ARL3: variants seen among roughly 807,000 people sequenced by gnomAD.
The protein encoded by ARL3 is ARF like GTPase 3.
Under a neutral mutation model 26.0 loss-of-function variants are expected in ARL3, and 9 were observed. That is an observed-to-expected ratio of 0.35 (90% CI 0.21 to 0.60). ARL3 has a LOEUF of 0.60. Ranked by LOEUF, ARL3 falls within the 20% of genes least tolerant of loss-of-function variation. The probability of loss-of-function intolerance (pLI) is 0.78; values close to 1 mark genes in which losing one functional copy is unlikely to be tolerated. For synonymous variants in ARL3, 71 were observed against 78.4 expected, an observed-to-expected ratio of 0.91 and a Z score of 0.50; for missense variants, 158 against 215.7, an observed-to-expected ratio of 0.73 and a Z score of 1.67.
intron 5 of ARL3, among the ~76,000 whole-genome samples, chr10:102,680,735 G>C (rs1246535530): frequency 3.9e-5 from 6 of 152,190 alleles, no homozygotes; most frequent in African/African-American, 1.4e-4. Context: ...CTGGTTTTTA[G>C]AGCCATGCTG....
intron 3 of ARL3, among the ~76,000 whole-genome samples, chr10:102,697,355 T>A (rs1326724860): frequency 6.6e-6 from 1 of 152,124 alleles, no homozygotes; most frequent in Non-Finnish European, 1.5e-5. Flanking sequence ...ATTTTCATAT[T>A]TTTAGTAGAG....
intron 5 of ARL3, among the ~76,000 whole-genome samples, chr10:102,683,260 T>G (rs1219290804): frequency 6.6e-6 from 1 of 152,160 alleles, no homozygotes; most frequent in African/African-American, 2.4e-5. Context: ...CTTTCTCTAG[T>G]CCCCAAAGGT....
intron 5 of ARL3, 101 bp downstream of exon 5, chr10:102,685,715 G>A: frequency 7.9e-7 from 1 of 1,261,198 alleles, no homozygotes; most frequent in Non-Finnish European, 1.1e-6. Context: ...TTCATATCTT[G>A]GAATGGCTCA....
chr10:102,684,215 C>G (rs1049489465), intron 5 of ARL3, among the ~76,000 whole-genome samples: 1 of 152,166 alleles, frequency 6.6e-6, no homozygotes, highest in Non-Finnish European at 1.5e-5. Flanking sequence ...GTAGTGCAAT[C>G]TCAGCTCATT....
intron 2 of ARL3, 52 bp downstream of exon 2, chr10:102,705,294 C>A: frequency 1.3e-6 from 2 of 1,501,316 alleles, no homozygotes; most frequent in Admixed American, 2.1e-5. Context: ...TTTCACATTG[C>A]TATTATCGTC....
chr10:102,687,169 G>A (rs545070372), intron 4 of ARL3, among the ~76,000 whole-genome samples: 3 of 150,758 alleles, frequency 2.0e-5, no homozygotes, highest in African/African-American at 4.9e-5. Context: ...GTGAGCCACC[G>A]CGCCCGGCAT....
chr10:102,682,321 C>T (rs2064159700), intron 5 of ARL3, among the ~76,000 whole-genome samples: 1 of 152,120 alleles, frequency 6.6e-6, no homozygotes, highest in Non-Finnish European at 1.5e-5. Flanking sequence ...TGATGGTCTC[C>T]CGTGAAAACC....
At chr10:102,689,250 G>A (rs769350732) in intron 4 of ARL3, among the ~76,000 whole-genome samples, 2 of 152,052 alleles carry the variant, frequency 1.3e-5, no homozygotes, top group East Asian at 1.9e-4. Context: ...ACTTGAACCT[G>A]GGAGGTTGAA....
At chr10:102,694,803 C>T (rs1481605764) in intron 3 of ARL3, among the ~76,000 whole-genome samples, 1 of 152,172 alleles carries the variant, frequency 6.6e-6, no homozygotes, top group East Asian at 1.9e-4. Flanking sequence ...ACTGCAACCT[C>T]TGCCTCCTGG....
intron 2 of ARL3, among the ~76,000 whole-genome samples, chr10:102,703,766 C>A (rs182782525): frequency 6.6e-6 from 1 of 152,068 alleles, no homozygotes; most frequent in East Asian, 1.9e-4. Context: ...TAAACCTCCA[C>A]GCTGTGAGCA....
At chr10:102,711,536 G>A (rs953138568) in intron 1 of ARL3, among the ~76,000 whole-genome samples, 6 of 152,100 alleles carry the variant, frequency 3.9e-5, no homozygotes, top group Non-Finnish European at 7.4e-5. Flanking sequence ...CGGATCACGA[G>A]GTCAGGAGAT....
At chr10:102,708,744 T>A (rs1266914662) in intron 1 of ARL3, among the ~76,000 whole-genome samples, 1 of 151,652 alleles carries the variant, frequency 6.6e-6, no homozygotes, top group East Asian at 1.9e-4. Context: ...TAATCCCAGC[T>A]ACTTGGGAAG....
At chr10:102,683,591 A>C (rs1208966199) in intron 5 of ARL3, among the ~76,000 whole-genome samples, 1 of 152,186 alleles carries the variant, frequency 6.6e-6, no homozygotes, top group Non-Finnish European at 1.5e-5. Flanking sequence ...TCTGGGAAGA[A>C]CTTTCTTATC....
At chr10:102,704,495 C>T (rs547372680) in intron 2 of ARL3, among the ~76,000 whole-genome samples, 29 of 152,118 alleles carry the variant, frequency 1.9e-4, no homozygotes, top group Middle Eastern at 6.8e-3. Flanking sequence ...CAAAAATTAG[C>T]GGGCCATGGC....
intron 5 of ARL3, among the ~76,000 whole-genome samples, chr10:102,682,065 G>A (rs2064158179): frequency 2.6e-5 from 4 of 152,092 alleles, no homozygotes; most frequent in African/African-American, 2.4e-5. Context: ...TCCTAGGAGG[G>A]GCCCTGGCAA....
intron 5 of ARL3, among the ~76,000 whole-genome samples, chr10:102,682,270 TCTC>T (rs1479634987): frequency 6.6e-6 from 1 of 150,840 alleles, no homozygotes; most frequent in Non-Finnish European, 1.5e-5. Context: ...AGATTGATGA[TCTC>T]CTTCTGCTTC....
At chr10:102,704,340 A>G (rs1418315246) in intron 2 of ARL3, among the ~76,000 whole-genome samples, 1 of 151,884 alleles carries the variant, frequency 6.6e-6, no homozygotes, top group Non-Finnish European at 1.5e-5. Flanking sequence ...AGATAAAGCT[A>G]TTTTTTAAAA....
intron 3 of ARL3, among the ~76,000 whole-genome samples, chr10:102,693,916 C>G (rs1235458476): frequency 3.3e-5 from 5 of 152,160 alleles, no homozygotes; most frequent in African/African-American, 4.8e-5. Context: ...CTCGAAGCAT[C>G]CTCCCACCTC....
intron 3 of ARL3, among the ~76,000 whole-genome samples, chr10:102,693,408 C>T (rs2064230278): frequency 6.6e-6 from 1 of 151,910 alleles, no homozygotes; most frequent in South Asian, 2.1e-4. Context: ...TATGTAGTAC[C>T]ATATTATTGC....
Sources: gnomAD v4.1 joint callset for allele counts (sites outside exome capture counted in the v4.1 genomes callset) on GRCh38, gnomAD v4.1.1 for gene constraint, MANE v1.5 for transcripts, NCBI Gene and HGNC (gene_info 2026-07-23, HGNC 2026-07-21) for gene names.